The following ABCA3 variants were observed in gnomAD, a reference collection of about 807,000 sequenced individuals.
ABCA3 encodes the protein ATP binding cassette subfamily A member 3.
Under a neutral mutation model 172.8 loss-of-function variants are expected in ABCA3, and 88 were observed. The observed-to-expected ratio is 0.51, with a 90% CI of 0.43 to 0.61. The LOEUF (loss-of-function observed/expected upper bound fraction) is 0.61, where lower values mean the gene tolerates loss of function less well. Among genes scored for constraint, ABCA3 ranks in the 20% least tolerant of loss-of-function variants. The probability of loss-of-function intolerance (pLI) is 0.00; values close to 1 mark genes in which losing one functional copy is unlikely to be tolerated. For synonymous variants in ABCA3, 1,066 were observed against 983.8 expected (o/e 1.08, Z -1.56); for missense variants, 2,164 against 2,301.0 (o/e 0.94, Z 1.22).
rs149871856 is a variant in ABCA3 at position 2,283,209 on chromosome 16, C to T, written c.4012G>A (p.Ala1338Thr). 353 of 1,613,214 alleles carry T rather than the reference C, an allele frequency of 2.2e-4. No homozygotes were observed. The highest frequency in any genetic ancestry group is 4.4e-4 in the African/African-American group (33 of 75,004). Reference protein sequence around the residue: ...LLQRLRGILCALRRRRTLTEL... With the variant: ...LLQRLRGILCTLRRRRTLTEL... ...ACCAGTGTCCGCCTCCTCCGGAGGGCGCAGAGGATGCCCCTGAGTCTCTGA... is the reference window on the plus strand; with the variant it reads ...ACCAGTGTCCGCCTCCTCCGGAGGGTGCAGAGGATGCCCCTGAGTCTCTGA... The change falls in exon 26 of 33, where the codon GCC (alanine) becomes ACC (threonine). Residue 1338 changes from alanine (A) to threonine (T), a missense_variant. Physicochemically the swap from Ala to Thr is moderately conservative, Grantham distance 58. Coordinates refer to ENST00000301732, the MANE Select transcript of ABCA3 (RefSeq NM_001089.3). The surrounding 1 kb of genome is among the most constrained non-coding windows in gnomAD (Gnocchi z 5.4).
At position 2,326,486 on chromosome 16, in the gene ABCA3, C is replaced by G. The variant is rs758551823; in HGVS notation, c.-20G>C. ...AGCCATCGTCTTGCTGAAAGGGACG[C>G]CCAGTGCTAGTTACAGACCAAAGAC... On this transcript the variant is annotated 5_prime_UTR_variant, in exon 4 of 33. Transcript: ENST00000301732. 3 of 1,604,606 alleles carry G rather than the reference C, an allele frequency of 1.9e-6. No homozygotes were observed. The Admixed American group carries it at 5.1e-5, about 27-fold the overall frequency.
chr16:2,318,793 G>T (rs45537134), intron 8 of ABCA3, among the ~76,000 whole-genome samples: 2 of 152,112 alleles, frequency 1.3e-5, no homozygotes, highest in African/African-American at 4.8e-5. Flanking sequence ...GATTACAGGT[G>T]TGAGCCAGTG....
At position 2,285,435 on chromosome 16, in the gene ABCA3, C is replaced by G; in HGVS notation, c.3483+7G>C. On this transcript the variant is annotated splice_region_variant and intron_variant, in intron 23 of 32. Transcript: ENST00000301732. The surrounding 1 kb of genome is among the most constrained non-coding windows in gnomAD (Gnocchi z 4.7). ...GGGGAACGGATCCAGCACCCTCCGGCGCTCACCAGCAGCAGCAGACTGGGG... is the reference window on the plus strand; with the variant it reads ...GGGGAACGGATCCAGCACCCTCCGGGGCTCACCAGCAGCAGCAGACTGGGG... The G allele has an allele frequency of 6.2e-7, 1 of 1,604,280 alleles. No homozygotes were observed.
chr16:2,276,931 C>T, intron 32 of ABCA3, 126 bp from the exon 33 acceptor site: 1 of 1,370,948 alleles, frequency 7.3e-7, no homozygotes, highest in Admixed American at 1.9e-5. Flanking sequence ...CAGCGCCACC[C>T]CAGAGCCCCA....
intron 6 of ABCA3, 96 bp from the exon 7 acceptor site, chr16:2,323,784 G>A (rs972071008): frequency 2.1e-6 from 3 of 1,413,968 alleles, no homozygotes; most frequent in Non-Finnish European, 9.9e-7. Context: ...GGCTGTCACA[G>A]CCGAGAACTC....
chr16:2,299,069 G>A (rs1456312052), intron 14 of ABCA3, among the ~76,000 whole-genome samples: 1 of 144,412 alleles, frequency 6.9e-6, no homozygotes, highest in Non-Finnish European at 1.5e-5. Context: ...GGACAGAGGC[G>A]GTGAGGAGGG....
intron 1 of ABCA3, among the ~76,000 whole-genome samples, chr16:2,335,368 G>A (rs2093750175): frequency 6.6e-6 from 1 of 151,956 alleles, no homozygotes; most frequent in South Asian, 2.1e-4. Context: ...TATCCCGGCT[G>A]GAATGCAGTG....
At position 2,279,741 on chromosome 16, in the gene ABCA3, A is replaced by G. The variant is rs2093652208; in HGVS notation, c.4360-611T>C. On this transcript the variant is annotated intron_variant, in intron 28 of 32. Transcript: ENST00000301732. This position sits in a 1 kb window ranked among gnomAD's most constrained non-coding sequence, Gnocchi z 4.4. The stretch of plus-strand genomic sequence containing the variant: ...TTCTTTGGGGTTCTCAAGCTTCCAG[A>G]ATTTTTTTTTTTTTTTTTGAGACAG... Among the ~76,000 whole-genome samples, 1 of 150,272 alleles carries G rather than the reference A, an allele frequency of 6.7e-6. No homozygotes were observed. Among genetic ancestry groups the G allele is most frequent in the Non-Finnish European group, 1.5e-5 (1 of 67,722 alleles).
intron 10 of ABCA3, among the ~76,000 whole-genome samples, chr16:2,310,712 G>A (rs1390682692): frequency 6.6e-6 from 1 of 151,834 alleles, no homozygotes; most frequent in African/African-American, 2.4e-5. Context: ...GTAAAGACAG[G>A]TTTTCGTCAT....
chr16:2,298,688 GT>G, intron 14 of ABCA3, 148 bp from the exon 15 acceptor site: 1 of 960,312 alleles, frequency 1.0e-6, no homozygotes, highest in Non-Finnish European at 1.6e-6. Context: ...TCCCACTGGG[GT>G]GGGCTTTGGC....
At position 2,281,330 on chromosome 16, in the gene ABCA3, A is replaced by T. The variant is rs1323225098; in HGVS notation, c.4164+51T>A. 4 of 1,613,326 alleles carry T rather than the reference A, an allele frequency of 2.5e-6. No homozygotes were observed. In the South Asian group the frequency reaches 4.4e-5, roughly 18 times the overall value. On this transcript the variant is annotated intron_variant, in intron 27 of 32. Coordinates refer to ENST00000301732, the MANE Select transcript of ABCA3 (RefSeq NM_001089.3). The surrounding 1 kb of genome is among the most constrained non-coding windows in gnomAD (Gnocchi z 4.7). ...AGGGATGGGGTCGGACCCTGGGGAC[A>T]GCCAGGTAGTCAGCTGGCAGGAAGG...
At chr16:2,280,830 C>A (rs1170429154) in intron 28 of ABCA3, among the ~76,000 whole-genome samples, 197 bp downstream of exon 28, 1 of 152,220 alleles carries the variant, frequency 6.6e-6, no homozygotes, top group Admixed American at 6.5e-5. Context: ...TCTCTCCCCT[C>A]CCATCACCTG....
chr16:2,304,500 C>CTTTTTTTTTTT (rs34874417), intron 11 of ABCA3, among the ~76,000 whole-genome samples: 2 of 84,004 alleles, frequency 2.4e-5, no homozygotes, highest in Non-Finnish European at 4.4e-5. Context: ...TAGCATAAGT[C>CTTTTTTTTTTT]TTTTTTTTTT....
At chr16:2,288,474 A>C in intron 20 of ABCA3, 145 bp from the exon 21 acceptor site, 235 of 984,744 alleles carry the variant, frequency 2.4e-4, no homozygotes, top group East Asian at 5.8e-4. Flanking sequence ...AGAGCGTTGA[A>C]ACGGCCGTGG....
At position 2,319,659 on chromosome 16, in the gene ABCA3, C is replaced by G. The variant is rs1218000244; in HGVS notation, c.795G>C (p.Leu265=). The change falls in exon 8 of 33, where the codon CTG becomes CTC. Residue 265 remains leucine (L), a synonymous_variant. Coordinates refer to ENST00000301732, the MANE Select transcript of ABCA3 (RefSeq NM_001089.3). ...TGTAGGTGAAGCTGAGCAGCAGCAG[C>G]AGGGGCAGCTGGTACTGGATGGCCA... The part of the protein sequence containing the change: ...FLVAIQYQLP[L]LLLLSFTYTA... The G allele has an allele frequency of 1.9e-6, 3 of 1,613,658 alleles. No homozygotes were observed. The African/African-American group carries it at 4.0e-5, about 22-fold the overall frequency.
intron 7 of ABCA3, among the ~76,000 whole-genome samples, chr16:2,321,418 C>T (rs558024740): frequency 6.6e-6 from 1 of 152,336 alleles, no homozygotes; most frequent in Non-Finnish European, 1.5e-5. Context: ...TGCATGCTGT[C>T]TCCTGCCTGC....
At chr16:2,327,021 CAT>C (rs1451295454) in intron 3 of ABCA3, among the ~76,000 whole-genome samples, 2 of 152,202 alleles carry the variant, frequency 1.3e-5, no homozygotes, top group African/African-American at 4.8e-5. Context: ...ACCCAAAGAG[CAT>C]AGTCTTTTTG....
In ABCA3 at chr16:2,281,235, A is replaced by G. The variant is rs114420154; in HGVS notation, c.4165-14T>C. On this transcript the variant is annotated splice_polypyrimidine_tract_variant and intron_variant, in intron 27 of 32. Transcript: ENST00000301732. The surrounding 1 kb of genome is among the most constrained non-coding windows in gnomAD (Gnocchi z 4.7). ...CTGCTCGTACACCTGCAGGCACCCA[A>G]CAGAAAACACGGAATGCGGAGGCCT... 273 of 1,613,344 alleles carry G rather than the reference A, an allele frequency of 1.7e-4. No homozygotes were observed. The African/African-American group carries it at 3.1e-3, about 18-fold the overall frequency.
intron 12 of ABCA3, among the ~76,000 whole-genome samples, chr16:2,302,881 CG>C (rs1234789435): frequency 6.6e-6 from 1 of 151,954 alleles, no homozygotes; most frequent in African/African-American, 2.4e-5. Flanking sequence ...CTCCGCCTTC[CG>C]GGTTCAAGCA....
Sources: allele counts gnomAD v4.1 joint callset (sites outside exome capture counted in the v4.1 genomes callset), GRCh38; gene constraint gnomAD v4.1.1; non-coding constraint Gnocchi (gnomAD v3.1); transcripts MANE v1.5; gene names NCBI Gene and HGNC (gene_info 2026-07-23, HGNC 2026-07-21).